PEAK1: variants seen among roughly 807,000 people sequenced by gnomAD.
PEAK1 encodes the protein inactive tyrosine-protein kinase PEAK1.
A neutral mutation model predicts 124.7 loss-of-function variants in PEAK1; 54 were observed. The ratio of observed to expected loss-of-function variants is 0.43; its 90% CI spans 0.35 to 0.54. The LOEUF (loss-of-function observed/expected upper bound fraction) is 0.54. Ranked by LOEUF, PEAK1 falls within the 20% of genes least tolerant of loss-of-function variation. The pLI is 0.01. For missense variants in PEAK1, 2,046 were observed against 2,134.5 expected (o/e 0.96, Z 0.82); for synonymous variants, 719 against 760.0 (o/e 0.95, Z 0.89).
chr15:77,258,984 C>A (rs2061308576), intron 5 of PEAK1, among the ~76,000 whole-genome samples: 1 of 152,062 alleles, frequency 6.6e-6, no homozygotes, highest in Non-Finnish European at 1.5e-5. Context: ...TTGAGATAAT[C>A]ATGTGGTTTT....
chr15:77,408,279 A>G (rs1296573368), intron 1 of PEAK1, among the ~76,000 whole-genome samples: 2 of 151,974 alleles, frequency 1.3e-5, no homozygotes, highest in Non-Finnish European at 2.9e-5. Flanking sequence ...TAAGTGAAGT[A>G]ACTCAGGAAT....
In PEAK1 at chr15:77,277,788, A is replaced by C. The variant is rs572011687; in HGVS notation, c.-275+6095T>G. On this transcript the variant is annotated intron_variant, in intron 5 of 9. Transcript: ENST00000682557. ...CATAGTGTATGATTCCAACTATATG[A>C]CATTCTGAAAAAGTTAAAACCATGG... 2.6e-5 allele frequency among the ~76,000 whole-genome samples: 4 copies of C among 152,308 alleles called. No homozygotes were observed. In the South Asian group the frequency reaches 6.2e-4, roughly 24 times the overall value.
chr15:77,200,699 A>T (rs1182258788), intron 6 of PEAK1, among the ~76,000 whole-genome samples: 1 of 152,192 alleles, frequency 6.6e-6, no homozygotes, highest in Non-Finnish European at 1.5e-5. Flanking sequence ...TTATTTTGAA[A>T]ATCTACTCAT....
intron 9 of PEAK1, among the ~76,000 whole-genome samples, chr15:77,119,047 G>GGTTGAGTTTACTTATAAA (rs757232136): frequency 6.6e-6 from 1 of 150,912 alleles, no homozygotes; most frequent in Admixed American, 6.6e-5. Flanking sequence ...ACAAAACCAG[G>GGTTGAGTTTACTTATAAA]CTGCTGAAGG....
intron 6 of PEAK1, among the ~76,000 whole-genome samples, chr15:77,237,066 A>AT (rs1299305825): frequency 2.6e-5 from 4 of 152,022 alleles, no homozygotes; most frequent in Non-Finnish European, 4.4e-5. Context: ...CTAGAAAATA[A>AT]TTTTTTTTAA....
Position 77,304,740 on chromosome 15 carries a change from C to T in PEAK1, c.-602-18236G>A, listed in dbSNP as rs534788435. On this transcript the variant is annotated intron_variant, in intron 2 of 9. Coordinates refer to ENST00000682557, the MANE Select transcript of PEAK1 (RefSeq NM_001385026.1). ...GGGATTACAGGCATAAGCCACCACA[C>T]CTGGCCAATCCTGTATACATTTTCT... is the stretch of plus-strand genomic sequence containing the variant. Among the ~76,000 whole-genome samples, 20 of 152,256 alleles carry T rather than the reference C, an allele frequency of 1.3e-4. 1 individual carries two copies. In the South Asian group the frequency reaches 3.9e-3, roughly 30 times the overall value.
intron 6 of PEAK1, among the ~76,000 whole-genome samples, chr15:77,198,190 A>C (rs75681316): frequency 0.038 from 5,780 of 152,302 alleles, 364 homozygotes; most frequent in African/African-American, 0.13. Flanking sequence ...CTACTGAGGT[A>C]CACTCAAGTA....
intron 2 of PEAK1, chr15:77,330,926 T>C: frequency 2.9e-6 from 2 of 686,430 alleles, no homozygotes; most frequent in Non-Finnish European, 3.6e-6. Context: ...TATCTCTTGG[T>C]TCCAAAACAA....
In PEAK1 at chr15:77,179,069, A is replaced by G. The variant is rs2057067929; in HGVS notation, c.2858T>C (p.Val953Ala). 1 of 1,614,010 alleles carries G rather than the reference A, an allele frequency of 6.2e-7. No individual in the cohort carries two copies. Among genetic ancestry groups the G allele is most frequent in the Non-Finnish European group, 8.5e-7 (1 of 1,180,026 alleles). The change falls in exon 7 of 10, where the codon GTG (valine) becomes GCG (alanine). Residue 953 changes from valine (V) to alanine (A), a missense_variant. By Grantham distance (64) the Val-to-Ala change is moderately conservative (BLOSUM62 0). Transcript: ENST00000682557. ...KEKEREKGKL[V>A]GLDGTVIHML... is the part of the protein sequence containing the mutation. ...GTGAATGACTGTGCCATCCAGGCCC[A>G]CCAGTTTCCCTTTCTCTCGCTCTTT...
At chr15:77,298,155 G>A (rs1597171035) in intron 2 of PEAK1, among the ~76,000 whole-genome samples, 1 of 101,300 alleles carries the variant, frequency 9.9e-6, no homozygotes, top group African/African-American at 4.0e-5. Flanking sequence ...TATTATTAAT[G>A]AAAAAAAAAA....
chr15:77,419,110 A>T (rs535415667), intron 1 of PEAK1: 2 of 985,422 alleles, frequency 2.0e-6, no homozygotes, highest in East Asian at 2.3e-4. Context: ...TCAGCCTTCC[A>T]ATAACTCCAT....
chr15:77,261,671 T>C (rs2061448625), intron 5 of PEAK1, among the ~76,000 whole-genome samples: 1 of 152,132 alleles, frequency 6.6e-6, no homozygotes. Context: ...TGGAACCAAC[T>C]TGGAAAACAC....
intron 1 of PEAK1, chr15:77,371,048 A>C (rs1306423317): frequency 1.1e-6 from 1 of 922,640 alleles, no homozygotes; most frequent in East Asian, 1.2e-4. Context: ...AAAAAAAAGA[A>C]AGAAAGAAAG....
intron 1 of PEAK1, among the ~76,000 whole-genome samples, chr15:77,396,963 T>TA (rs2070938324): frequency 6.6e-6 from 1 of 152,226 alleles, no homozygotes; most frequent in Non-Finnish European, 1.5e-5. Flanking sequence ...CAAATGGACC[T>TA]AATAGATCTT....
intron 6 of PEAK1, among the ~76,000 whole-genome samples, chr15:77,226,044 G>GATATATATAATAT (rs57675196): frequency 0.023 from 1,011 of 44,864 alleles, 53 homozygotes; most frequent in Non-Finnish European, 0.033. Flanking sequence ...AAAATAAAGG[G>GATATATATAATAT]ATATATATAT....
intron 2 of PEAK1, among the ~76,000 whole-genome samples, chr15:77,304,157 A>C (rs1215096247): frequency 2.0e-5 from 3 of 152,244 alleles, no homozygotes; most frequent in Non-Finnish European, 4.4e-5. Context: ...TCCACTGACT[A>C]TACTAGGTAT....
intron 7 of PEAK1, chr15:77,177,923 T>C (rs1337958775): frequency 1.3e-5 from 2 of 152,204 alleles, no homozygotes; most frequent in Non-Finnish European, 1.5e-5. Flanking sequence ...GGAGGATACA[T>C]GCTTTAGAAT....
intron 8 of PEAK1, among the ~76,000 whole-genome samples, chr15:77,150,449 GC>G (rs1336420525): frequency 6.6e-6 from 1 of 151,982 alleles, no homozygotes; most frequent in African/African-American, 2.4e-5. Context: ...CAGAGGCAAT[GC>G]TTTATTTTTT....
At position 77,155,223 on chromosome 15, in the gene PEAK1, A is replaced by G. The variant is rs1443057921; in HGVS notation, c.3331+3280T>C. The G allele has an allele frequency of 2.0e-5, 3 of 152,032 alleles. No homozygotes were observed. The East Asian group carries it at 5.8e-4, about 29-fold the overall frequency. The allele number at this position is 152,032 out of a possible 1,614,324, so 9.4% of individuals were successfully genotyped here. On this transcript the variant is annotated intron_variant, in intron 8 of 9. Transcript: ENST00000682557. ...TTCTCTAAACTTCCCTTCTCGCCTC[A>G]TTTCATTCATTTCATCTTCCATCAC...
Sources: allele counts gnomAD v4.1 joint callset (sites outside exome capture counted in the v4.1 genomes callset), GRCh38; gene constraint gnomAD v4.1.1; transcripts MANE v1.5; gene names NCBI Gene and HGNC (gene_info 2026-07-23, HGNC 2026-07-21).